Variants in FMN1 observed in about 807,000 individuals in gnomAD.
The protein encoded by FMN1 is formin-1.
FMN1 carries 110 observed loss-of-function variants against 132.4 expected under a neutral mutation model. The ratio of observed to expected loss-of-function variants is 0.83; its 90% confidence interval spans 0.71 to 0.97. The LOEUF (loss-of-function observed/expected upper bound fraction) is 0.97. Among genes scored for constraint, FMN1 ranks in the 50% least tolerant of loss-of-function variants. The probability of loss-of-function intolerance (pLI) is 0.00; values close to 1 mark genes in which losing one functional copy is unlikely to be tolerated. For synonymous variants in FMN1, 722 were observed against 651.7 expected (o/e 1.11, Z -1.64); for missense variants, 1,792 against 1,705.3 (o/e 1.05, Z -0.90).
intron 10 of FMN1, among the ~76,000 whole-genome samples, chr15:32,918,267 G>A (rs1190082364): frequency 6.6e-6 from 1 of 151,894 alleles, no homozygotes; most frequent in Non-Finnish European, 1.5e-5. Flanking sequence ...AAGGCACACA[G>A]CACACGAAGA....
At chr15:33,021,569 T>C (rs2035418183) in intron 6 of FMN1, among the ~76,000 whole-genome samples, 1 of 152,194 alleles carries the variant, frequency 6.6e-6, no homozygotes, top group Non-Finnish European at 1.5e-5. Flanking sequence ...CTTTATGTTC[T>C]GGGATGATGA....
In FMN1 at chr15:32,768,274, G is replaced by C. The variant is rs1048363150; in HGVS notation, c.*6036C>G. On this transcript the variant is annotated 3_prime_UTR_variant, in exon 21 of 21. Coordinates refer to ENST00000616417, the MANE Select transcript of FMN1 (RefSeq NM_001277313.2). ...ACTAACCTTTCATTTGGGAAAGACA[G>C]ATCTGGAAAGCGAACCCAGTTAACA... is the stretch of plus-strand genomic sequence containing the variant. 5.3e-5 allele frequency: 8 copies of C among 152,194 alleles called. No homozygotes were observed. Among genetic ancestry groups the C allele is most frequent in the African/African-American group, 1.9e-4 (8 of 41,434 alleles). 9.4% of individuals were successfully genotyped at this position (152,194 alleles called of 1,614,324 possible).
chr15:33,154,803 C>A lies in FMN1; in HGVS notation c.112G>T (p.Val38Leu), dbSNP rs1160165639. 6.5e-7 allele frequency: 1 copy of A among 1,536,176 alleles called. No homozygotes were observed. Among genetic ancestry groups the A allele is most frequent in the African/African-American group, 1.4e-5 (1 of 73,182 alleles). Reference protein sequence around the residue: ...EVRGFSYKGTVTLDRSNKGFH... With the variant: ...EVRGFSYKGTLTLDRSNKGFH... ...CCTTTATTGGATCTGTCTAGAGTTA[C>A]AGTGCCCTTGTATGAAAATCCTCTG... Residue 38 changes from valine to leucine, a missense_variant, in exon 4 of 21, where the codon GTA becomes TTA. Coordinates refer to ENST00000616417, the MANE Select transcript of FMN1 (RefSeq NM_001277313.2).
chr15:32,989,972 G>A (rs2033334593), intron 7 of FMN1, among the ~76,000 whole-genome samples: 1 of 152,162 alleles, frequency 6.6e-6, no homozygotes, highest in South Asian at 2.1e-4. Flanking sequence ...GAGGGGAAGA[G>A]GAGGAGGATT....
At chr15:32,904,576 G>A (rs575694465) in intron 12 of FMN1, among the ~76,000 whole-genome samples, 1 of 152,278 alleles carries the variant, frequency 6.6e-6, no homozygotes, top group South Asian at 2.1e-4. Context: ...AGGGGCAAAT[G>A]GATGAGGAAG....
chr15:33,105,520 G>A (rs924354052), intron 4 of FMN1, among the ~76,000 whole-genome samples: 1 of 152,052 alleles, frequency 6.6e-6, no homozygotes, highest in Non-Finnish European at 1.5e-5. Context: ...ATCCAGACCA[G>A]CTGAAATGCT....
chr15:33,143,711 C>T (rs1317271910), intron 4 of FMN1, among the ~76,000 whole-genome samples: 2 of 152,170 alleles, frequency 1.3e-5, no homozygotes, highest in African/African-American at 2.4e-5. Flanking sequence ...CGCTTGCAGC[C>T]ACTGCCTTAT....
chr15:32,983,301 G>A (rs1031522133), intron 7 of FMN1, among the ~76,000 whole-genome samples: 50 of 152,134 alleles, frequency 3.3e-4, no homozygotes, highest in African/African-American at 1.2e-3. Flanking sequence ...ATGACGTTCT[G>A]GTAAAATCAA....
At chr15:33,193,437 C>T (rs949089241) in intron 2 of FMN1, among the ~76,000 whole-genome samples, 1 of 152,164 alleles carries the variant, frequency 6.6e-6, no homozygotes, top group African/African-American at 2.4e-5. Context: ...CTCCGCCCCC[C>T]TGCCAATACA....
chr15:33,188,188 A>T (rs1332095686), intron 2 of FMN1, among the ~76,000 whole-genome samples: 2 of 152,034 alleles, frequency 1.3e-5, no homozygotes, highest in African/African-American at 4.8e-5. Flanking sequence ...CAAAAAAAAA[A>T]AATCAGCCAG....
chr15:33,018,857 C>G (rs1387093804), intron 6 of FMN1, among the ~76,000 whole-genome samples: 1 of 152,108 alleles, frequency 6.6e-6, no homozygotes, highest in African/African-American at 2.4e-5. Flanking sequence ...GCTCTTAAGG[C>G]AGCACGTCTG....
intron 4 of FMN1, among the ~76,000 whole-genome samples, chr15:33,128,850 G>C (rs749437635): frequency 3.9e-5 from 6 of 152,334 alleles, no homozygotes; most frequent in Admixed American, 1.3e-4. Flanking sequence ...AAGACAACCG[G>C]AGCAGACTGC....
At chr15:33,115,906 C>T (rs748899723) in intron 4 of FMN1, among the ~76,000 whole-genome samples, 7 of 152,090 alleles carry the variant, frequency 4.6e-5, no homozygotes, top group African/African-American at 1.7e-4. Flanking sequence ...CCAGCAAATC[C>T]ATTTGCATCA....
chr15:32,848,326 ATGTGTGTGCACG>A (rs144036671), intron 17 of FMN1, among the ~76,000 whole-genome samples: 2 of 138,554 alleles, frequency 1.4e-5, no homozygotes, highest in African/African-American at 6.5e-5. Flanking sequence ...CAGCAGGTTC[ATGTGTGTGCACG>A]TGTGTGTGCG....
chr15:33,008,951 T>C (rs2140948625), intron 6 of FMN1, among the ~76,000 whole-genome samples: 1 of 152,314 alleles, frequency 6.6e-6, no homozygotes, highest in South Asian at 2.1e-4. Flanking sequence ...CATTGAAATA[T>C]GTGTGAAAGC....
chr15:33,020,085 G>C (rs1269152382), intron 6 of FMN1, among the ~76,000 whole-genome samples: 4 of 152,158 alleles, frequency 2.6e-5, no homozygotes, highest in African/African-American at 9.7e-5. Flanking sequence ...AGCAACTCCA[G>C]CAAAGTAACC....
intron 16 of FMN1, among the ~76,000 whole-genome samples, chr15:32,887,147 T>C (rs2059914978): frequency 6.6e-6 from 1 of 152,208 alleles, no homozygotes; most frequent in Admixed American, 6.5e-5. Flanking sequence ...TTTACTTCCA[T>C]TTCCAAGCTG....
intron 19 of FMN1, among the ~76,000 whole-genome samples, chr15:32,798,172 G>A (rs1051159052): frequency 8.8e-6 from 1 of 113,812 alleles, no homozygotes; most frequent in Non-Finnish European, 1.8e-5. Context: ...TCTCTCTAAG[G>A]AAAACGCACA....
In FMN1 at chr15:33,065,051, C is replaced by T. The variant is rs775615260; in HGVS notation, c.2067G>A (p.Gln689=). 2.5e-6 allele frequency: 4 copies of T among 1,610,616 alleles called. No individual in the cohort carries two copies. Among genetic ancestry groups the T allele is most frequent in the Middle Eastern group, 1.7e-4 (1 of 6,056 alleles). The part of the protein sequence containing the change: ...DLHPDHSLTE[Q]DDRTPGRLQA... ...GAAGTCTGCCAGGAGTCCTGTCATC[C>T]TGCTCAGTCAGGCTGTGGTCAGGCT... The change falls in exon 6 of 21, where the codon CAG becomes CAA. Residue 689 remains glutamine (Q), a synonymous_variant. Transcript: ENST00000616417.
Sources: allele counts gnomAD v4.1 joint callset (sites outside exome capture counted in the v4.1 genomes callset), GRCh38; gene constraint gnomAD v4.1.1; transcripts MANE v1.5; gene names NCBI Gene and HGNC (gene_info 2026-07-23, HGNC 2026-07-21).